The following FAM117B variants were observed in gnomAD, a reference collection of about 807,000 sequenced individuals.
FAM117B encodes the protein protein FAM117B.
FAM117B carries 22 observed loss-of-function variants against 52.8 expected under a neutral mutation model. The observed-to-expected ratio is 0.42, with a 90% confidence interval of 0.30 to 0.59. FAM117B has a LOEUF of 0.59. Among genes scored for constraint, FAM117B ranks in the 20% least tolerant of loss-of-function variants. The pLI, the probability that FAM117B is intolerant of heterozygous loss-of-function variation, is 0.22. For missense variants in FAM117B, 678 were observed against 802.6 expected (o/e 0.84, Z 1.88); for synonymous variants, 309 against 324.1 (o/e 0.95, Z 0.50).
intron 2 of FAM117B, among the ~76,000 whole-genome samples, chr2:202,704,043 C>T (rs756365015): frequency 1.8e-4 from 28 of 152,152 alleles, no homozygotes; most frequent in Non-Finnish European, 3.8e-4. Flanking sequence ...TTTGTTTCCC[C>T]ATATAACTAA....
rs986853373 is a variant in FAM117B at position 202,732,975 on chromosome 2, C to T, written c.960+6612C>T. ...ATAGAGATAGAGAATAGACTGGTATCGGGGGAACCGCCCCCAATATTTCAA... is the reference window on the plus strand; with the variant it reads ...ATAGAGATAGAGAATAGACTGGTATTGGGGGAACCGCCCCCAATATTTCAA... On this transcript the variant is annotated intron_variant, in intron 4 of 7. Transcript: ENST00000392238. Among the ~76,000 whole-genome samples the T allele has an allele frequency of 6.6e-5, 10 of 151,666 alleles. No individual in the cohort carries two copies. In the East Asian group the frequency reaches 7.8e-4, roughly 12 times the overall value.
At chr2:202,709,439 C>T (rs1044568396) in intron 2 of FAM117B, among the ~76,000 whole-genome samples, 2 of 152,116 alleles carry the variant, frequency 1.3e-5, no homozygotes, top group Non-Finnish European at 2.9e-5. Flanking sequence ...TGACCTCAGG[C>T]GATCTGCCCC....
chr2:202,759,895 C>A (rs1482829079), intron 7 of FAM117B, among the ~76,000 whole-genome samples: 1 of 151,734 alleles, frequency 6.6e-6, no homozygotes, highest in Non-Finnish European at 1.5e-5. Context: ...GAGACAGGGT[C>A]TCACTGTGTT....
At chr2:202,660,055 TTA>T (rs1371088155) in intron 1 of FAM117B, among the ~76,000 whole-genome samples, 2 of 152,148 alleles carry the variant, frequency 1.3e-5, no homozygotes, top group Non-Finnish European at 2.9e-5. Flanking sequence ...AATTTTTATT[TTA>T]GTTTTTTTAA....
At chr2:202,741,550 T>G (rs558819819) in intron 4 of FAM117B, among the ~76,000 whole-genome samples, 1 of 145,380 alleles carries the variant, frequency 6.9e-6, no homozygotes, top group Admixed American at 6.7e-5. Flanking sequence ...AAATTTTTTT[T>G]TTTTGAGACG....
intron 1 of FAM117B, among the ~76,000 whole-genome samples, chr2:202,642,344 A>AATATATATATATATATATATATAT (rs59347439): frequency 2.9e-4 from 42 of 142,578 alleles, no homozygotes; most frequent in African/African-American, 1.0e-3. Flanking sequence ...GAATAAATAG[A>AATATATATATATATATATATATAT]ATATATATAT....
intron 4 of FAM117B, among the ~76,000 whole-genome samples, chr2:202,731,336 T>TAG (rs1183834323): frequency 4.0e-5 from 4 of 100,330 alleles, no homozygotes; most frequent in African/African-American, 1.6e-4. Context: ...AATTGGAATA[T>TAG]ATATATATAT....
chr2:202,689,306 G>A (rs764035301), intron 1 of FAM117B, among the ~76,000 whole-genome samples: 6 of 152,192 alleles, frequency 3.9e-5, no homozygotes, highest in Non-Finnish European at 8.8e-5. Context: ...GCCAGGCGTA[G>A]TGGCGTACGC....
At chr2:202,672,624 A>G (rs1250677888) in intron 1 of FAM117B, among the ~76,000 whole-genome samples, 3 of 152,234 alleles carry the variant, frequency 2.0e-5, no homozygotes, top group Non-Finnish European at 4.4e-5. Context: ...TATATAAGTC[A>G]TTAATTTGGC....
intron 1 of FAM117B, among the ~76,000 whole-genome samples, chr2:202,655,751 A>AGTGTGTGT (rs1690045510): frequency 7.6e-6 from 1 of 132,048 alleles, no homozygotes; most frequent in African/African-American, 3.7e-5. Context: ...AGAGAGAGAG[A>AGTGTGTGT]GAGAGAGAGA....
chr2:202,668,273 A>T (rs1690239620), intron 1 of FAM117B, among the ~76,000 whole-genome samples: 1 of 146,574 alleles, frequency 6.8e-6, no homozygotes, highest in Admixed American at 6.9e-5. Flanking sequence ...AGATATAAAA[A>T]TATTTATATA....
intron 1 of FAM117B, among the ~76,000 whole-genome samples, chr2:202,653,683 G>A (rs1008031043): frequency 2.6e-5 from 4 of 152,088 alleles, no homozygotes; most frequent in Non-Finnish European, 4.4e-5. Context: ...CACGTTAATT[G>A]AACCTTAGAA....
At chr2:202,731,362 T>TATATATATATATATATATATATATATAC (rs1185524899) in intron 4 of FAM117B, among the ~76,000 whole-genome samples, 2 of 131,340 alleles carry the variant, frequency 1.5e-5, no homozygotes, top group Admixed American at 1.6e-4. Flanking sequence ...TATATATATA[T>TATATATATATATATATATATATATATAC]ATATATGGAG....
intron 1 of FAM117B, among the ~76,000 whole-genome samples, chr2:202,648,934 A>G (rs1689912702): frequency 6.6e-6 from 1 of 151,748 alleles, no homozygotes; most frequent in Non-Finnish European, 1.5e-5. Context: ...TTGTATTTTT[A>G]GTAGAGATGG....
intron 1 of FAM117B, among the ~76,000 whole-genome samples, chr2:202,639,363 A>G (rs1689733489): frequency 6.6e-6 from 1 of 152,238 alleles, no homozygotes; most frequent in African/African-American, 2.4e-5. Context: ...ACTACTATAA[A>G]GTAATCCAAG....
At chr2:202,753,903 T>C (rs1197816025) in intron 4 of FAM117B, among the ~76,000 whole-genome samples, 3 of 152,066 alleles carry the variant, frequency 2.0e-5, no homozygotes, top group East Asian at 1.9e-4. Context: ...TGTGGAGAAA[T>C]AGGAATGCTT....
In FAM117B at chr2:202,694,387, C is replaced by T. The variant is rs372218733; in HGVS notation, c.602-1494C>T. Reference sequence around the variant, plus strand: ...TGTATTTTTAGTAGAGACGGGGTTTCGCCATGTTGGCCAGGGTGGTCTCGA... The same window carrying T: ...TGTATTTTTAGTAGAGACGGGGTTTTGCCATGTTGGCCAGGGTGGTCTCGA... On this transcript the variant is annotated intron_variant, in intron 1 of 7. Coordinates refer to ENST00000392238, the MANE Select transcript of FAM117B (RefSeq NM_173511.4). Among the ~76,000 whole-genome samples the T allele has an allele frequency of 6.5e-4, 98 of 151,644 alleles. 2 individuals carry two copies. The East Asian group carries it at 0.017, about 26-fold the overall frequency.
chr2:202,681,980 G>A (rs182830357), intron 1 of FAM117B, among the ~76,000 whole-genome samples: 1 of 152,320 alleles, frequency 6.6e-6, no homozygotes, highest in East Asian at 1.9e-4. Flanking sequence ...GGGAGGAGAA[G>A]CAGCTGGACA....
At chr2:202,674,250 G>A (rs1690344207) in intron 1 of FAM117B, among the ~76,000 whole-genome samples, 1 of 152,286 alleles carries the variant, frequency 6.6e-6, no homozygotes, top group South Asian at 2.1e-4. Context: ...AACTCAGTGG[G>A]TTTGAAACTG....
Sources: gnomAD v4.1 joint callset for allele counts (sites outside exome capture counted in the v4.1 genomes callset) on GRCh38, gnomAD v4.1.1 for gene constraint, MANE v1.5 for transcripts, NCBI Gene and HGNC (gene_info 2026-07-23, HGNC 2026-07-21) for gene names.